Variants in SNX11 observed in about 807,000 individuals in gnomAD.
SNX11 encodes the protein sorting nexin 11, also known as sorting nexin-11.
In SNX11, 19 loss-of-function variants were observed where a neutral mutation model predicts 30.7. The observed-to-expected ratio is 0.62, with a 90% CI of 0.43 to 0.91. SNX11 has a LOEUF of 0.91. Ranked by LOEUF, SNX11 falls within the 40% of genes least tolerant of loss-of-function variation. SNX11 has a pLI of 0.00. For missense variants in SNX11, 302 were observed against 326.7 expected (o/e 0.92, Z 0.58); for synonymous variants, 112 against 119.0 (o/e 0.94, Z 0.38).
intron 5 of SNX11, 23 bp from the exon 6 acceptor site, chr17:48,118,951 T>C (rs775355411): frequency 1.2e-6 from 2 of 1,610,280 alleles, no homozygotes; most frequent in East Asian, 4.5e-5. Flanking sequence ...TGCTCTGTGT[T>C]GTGCTACCTG....
At chr17:48,109,639 G>A (rs2063471145) in intron 1 of SNX11, among the ~76,000 whole-genome samples, 1 of 150,948 alleles carries the variant, frequency 6.6e-6, no homozygotes, top group South Asian at 2.1e-4. Flanking sequence ...GTGCAGTGGC[G>A]CGATCTCGGC....
intron 3 of SNX11, chr17:48,112,890 C>T (rs35688835): frequency 0.75 from 228,079 of 303,148 alleles, 87,045 homozygotes; most frequent in Admixed American, 0.82. Context: ...GCCACCACGC[C>T]CAGCTAATTT....
At position 48,118,957 on chromosome 17, in the gene SNX11, AC is replaced by A; in HGVS notation, c.327-15del. 1 of 1,611,752 alleles carries A rather than the reference AC, an allele frequency of 6.2e-7. No homozygotes were observed. Among genetic ancestry groups the A allele is most frequent in the South Asian group, 1.1e-5 (1 of 91,012 alleles). ...TCAGGGTGATGCTCTGTGTTGTGCT[AC>A]CTGTGTTTTTCCCAGGGTCCTGCAG... On this transcript the variant is annotated splice_polypyrimidine_tract_variant and intron_variant, in intron 5 of 6. Transcript: ENST00000359238.
rs1293901178 is a variant in SNX11, at chr17:48,123,159, G to A, written c.*1651G>A. 1 of 152,244 alleles carries A rather than the reference G, an allele frequency of 6.6e-6. No individual in the cohort carries two copies. Among genetic ancestry groups the A allele is most frequent in the Non-Finnish European group, 1.5e-5 (1 of 68,062 alleles). 9.4% of individuals were successfully genotyped at this position (152,244 alleles called of 1,614,324 possible). On this transcript the variant is annotated 3_prime_UTR_variant, in exon 7 of 7. Transcript: ENST00000359238. ...GATGCAGCAGAGCAAGGCGAGGATA[G>A]AAAACCTACAGAGGCAAATCCAAAA...
At chr17:48,112,235 A>G in intron 2 of SNX11, 150 bp downstream of exon 2, 1 of 792,446 alleles carries the variant, frequency 1.3e-6, no homozygotes, top group Non-Finnish European at 2.2e-6. Flanking sequence ...GGAGAAAGAA[A>G]TCAACAGCAG....
rs765869971 is a variant in SNX11 at position 48,119,003 on chromosome 17, A to C, written c.356A>C (p.Asp119Ala). ...CTGCAGAGTGTGGTTCTCCTGTCAG[A>C]CAGCCAGTTGCACCTATTCCTGCAA... ...KVLQSVVLLS[D>A]SQLHLFLQSQ... Residue 119 changes from aspartate (D) to alanine (A), a missense_variant, in exon 6 of 7, where the codon GAC becomes GCC. Physicochemically the swap from Asp to Ala is moderately radical, Grantham distance 126. Coordinates refer to ENST00000359238, the MANE Select transcript of SNX11 (RefSeq NM_013323.3). The C allele has an allele frequency of 4.3e-6, 7 of 1,613,856 alleles. No individual in the cohort carries two copies. Among genetic ancestry groups the C allele is most frequent in the East Asian group, 2.2e-5 (1 of 44,884 alleles).
At chr17:48,115,756 G>C (rs1187849158) in intron 4 of SNX11, among the ~76,000 whole-genome samples, 2 of 152,162 alleles carry the variant, frequency 1.3e-5, no homozygotes, top group Non-Finnish European at 2.9e-5. Flanking sequence ...CTGTAGGATG[G>C]TCACTGAATA....
intron 6 of SNX11, 107 bp from the exon 7 acceptor site, chr17:48,121,128 G>T: frequency 8.0e-7 from 1 of 1,245,552 alleles, no homozygotes; most frequent in South Asian, 1.4e-5. Flanking sequence ...TGGGATTACA[G>T]GCACATGCCA....
rs1294474199 is a variant in SNX11, at chr17:48,121,571, ACTGGGCACAGGGCAGGTATGTGGGAGG to A, written c.*70_*96del. ...GGGCCAGGAGACTTACTCAGGTGGG[ACTGGGCACAGGGCAGGTATGTGGGAGG>A]CTGGGCTGCTTAGTGTCTTCTAGTC... On this transcript the variant is annotated 3_prime_UTR_variant, in exon 7 of 7. Coordinates refer to ENST00000359238, the MANE Select transcript of SNX11 (RefSeq NM_013323.3). 2 of 1,566,858 alleles carry A rather than the reference ACTGGGCACAGGGCAGGTATGTGGGAGG, an allele frequency of 1.3e-6. No individual in the cohort carries two copies. The highest frequency in any genetic ancestry group is 2.7e-5 in the African/African-American group (2 of 74,160).
chr17:48,108,875 G>C (rs917022680), intron 1 of SNX11, among the ~76,000 whole-genome samples: 1 of 152,208 alleles, frequency 6.6e-6, no homozygotes, highest in Admixed American at 6.5e-5. Context: ...ATCTAATGGA[G>C]AAGAGTGGTT....
chr17:48,108,241 T>A (rs1472715504), intron 1 of SNX11, among the ~76,000 whole-genome samples: 1 of 152,208 alleles, frequency 6.6e-6, no homozygotes, highest in African/African-American at 2.4e-5. Flanking sequence ...GTGGTCGCCT[T>A]TGTTACTTAC....
chr17:48,111,599 A>G (rs546485636), intron 1 of SNX11, among the ~76,000 whole-genome samples: 2 of 148,746 alleles, frequency 1.3e-5, no homozygotes, highest in South Asian at 4.3e-4. Flanking sequence ...GTGAGCCGAG[A>G]TTGTGCCATT....
intron 6 of SNX11, among the ~76,000 whole-genome samples, chr17:48,120,025 TG>T (rs1406882438): frequency 6.6e-6 from 1 of 152,176 alleles, no homozygotes; most frequent in Admixed American, 6.6e-5. Flanking sequence ...TGTGGTCTTT[TG>T]TAACTGGCTT....
rs1221244141 is a variant in SNX11 at position 48,111,106 on chromosome 17, G to A, written c.-13-925G>A. ...GGGTGCTTGGACAGAAGTACAAACC[G>A]GATGGCATGTCAGGAGAGGAAGTAA... On this transcript the variant is annotated intron_variant, in intron 1 of 6. Transcript: ENST00000359238. 1.0e-5 allele frequency: 10 copies of A among 985,244 alleles called. No homozygotes were observed. In the South Asian group the frequency reaches 1.4e-4, roughly 14 times the overall value. 61.0% of individuals were successfully genotyped at this position (985,244 alleles called of 1,614,324 possible).
chr17:48,117,323 C>T (rs1414951030), intron 4 of SNX11, among the ~76,000 whole-genome samples: 2 of 150,806 alleles, frequency 1.3e-5, no homozygotes, highest in African/African-American at 2.4e-5. Context: ...GGTACAATCT[C>T]AGCTCACTGC....
chr17:48,119,492 C>G (rs983928517), intron 6 of SNX11, among the ~76,000 whole-genome samples: 1 of 152,146 alleles, frequency 6.6e-6, no homozygotes, highest in East Asian at 1.9e-4. Flanking sequence ...CACTCTTTCA[C>G]CCAGGCTGGA....
intron 4 of SNX11, among the ~76,000 whole-genome samples, chr17:48,114,403 T>G (rs908704338): frequency 6.6e-6 from 1 of 151,956 alleles, no homozygotes; most frequent in Non-Finnish European, 1.5e-5. Flanking sequence ...TCTGCCTGCC[T>G]TAGCCTCCCA....
rs1229442988 is a variant in SNX11 at position 48,115,305 on chromosome 17, G to A, written c.230+1904G>A. The stretch of plus-strand genomic sequence containing the variant: ...TCGAACTCCCAACCTCAGGCAATCC[G>A]CCTGCCTCGGCCTCCCAAAGTGCTG... On this transcript the variant is annotated intron_variant, in intron 4 of 6. Transcript: ENST00000359238. Among the ~76,000 whole-genome samples the A allele has an allele frequency of 4.7e-5, 7 of 148,168 alleles. No homozygotes were observed. In the South Asian group the frequency reaches 1.5e-3, roughly 32 times the overall value.
Position 48,121,289 on chromosome 17 carries a change from T to C in SNX11, c.594T>C (p.Ser198=). ...GRRSSPSPPP[S]EEKDHLEVWA... ...GGAGCTCTCCCTCACCGCCTCCCAG[T>C]GAAGAAAAGGACCATTTAGAAGTGT... The change falls in exon 7 of 7, where the codon AGT becomes AGC. Residue 198 remains serine, a synonymous_variant. Coordinates refer to ENST00000359238, the MANE Select transcript of SNX11 (RefSeq NM_013323.3). The C allele has an allele frequency of 6.2e-7, 1 of 1,614,176 alleles. No individual in the cohort carries two copies. Among genetic ancestry groups the C allele is most frequent in the Non-Finnish European group, 8.5e-7 (1 of 1,180,018 alleles).
Sources: allele counts gnomAD v4.1 joint callset (sites outside exome capture counted in the v4.1 genomes callset), GRCh38; gene constraint gnomAD v4.1.1; transcripts MANE v1.5; gene names NCBI Gene and HGNC (gene_info 2026-07-23, HGNC 2026-07-21).